Variants in GRID2 observed in about 807,000 individuals in gnomAD.
GRID2 encodes the protein glutamate ionotropic receptor delta type subunit 2, also known as glutamate receptor ionotropic, delta-2.
GRID2 carries 33 observed loss-of-function variants against 114.8 expected under a neutral mutation model. The observed-to-expected ratio is 0.29, with a 90% CI of 0.22 to 0.38. The LOEUF is 0.38. GRID2 is among the 10% of genes least tolerant of loss of function. GRID2 has a pLI of 1.00. For synonymous variants in GRID2, 505 were observed against 449.9 expected (o/e 1.12, Z -1.55); for missense variants, 1,184 against 1,257.7 (o/e 0.94, Z 0.89).
intron 1 of GRID2, among the ~76,000 whole-genome samples, chr4:92,545,665 A>C (rs1726213746): frequency 6.6e-6 from 1 of 152,212 alleles, no homozygotes; most frequent in Admixed American, 6.5e-5. Flanking sequence ...GTATGTTTGA[A>C]AATCTTTAGG....
chr4:93,595,349 T>C (rs1438852996), intron 13 of GRID2, among the ~76,000 whole-genome samples: 1 of 152,192 alleles, frequency 6.6e-6, no homozygotes, highest in Non-Finnish European at 1.5e-5. Flanking sequence ...ATGCATTACA[T>C]AATCTTTTCA....
chr4:93,013,752 C>T (rs1031591280), intron 2 of GRID2, among the ~76,000 whole-genome samples: 1 of 151,762 alleles, frequency 6.6e-6, no homozygotes, highest in Non-Finnish European at 1.5e-5. Context: ...CTTAATCATT[C>T]TTAATCAGAA....
At chr4:93,044,882 G>A (rs1725981362) in intron 2 of GRID2, among the ~76,000 whole-genome samples, 1 of 152,124 alleles carries the variant, frequency 6.6e-6, no homozygotes, top group Non-Finnish European at 1.5e-5. Context: ...CACATTGGAA[G>A]CTTTCTGGGC....
intron 10 of GRID2, among the ~76,000 whole-genome samples, chr4:93,433,873 G>A (rs1288918634): frequency 1.3e-5 from 2 of 152,090 alleles, no homozygotes; most frequent in Admixed American, 1.3e-4. Flanking sequence ...CCCTCGTCAT[G>A]TTCAGTTGTT....
At chr4:93,281,647 T>C (rs1483153057) in intron 8 of GRID2, among the ~76,000 whole-genome samples, 1 of 152,028 alleles carries the variant, frequency 6.6e-6, no homozygotes, top group African/African-American at 2.4e-5. Flanking sequence ...TCATCTTGCC[T>C]TTGAATAGTT....
chr4:92,583,779 T>C (rs1474402955), intron 1 of GRID2, among the ~76,000 whole-genome samples: 1 of 150,336 alleles, frequency 6.7e-6, no homozygotes, highest in African/African-American at 2.4e-5. Context: ...ATATACACAG[T>C]TGTAATATAT....
intron 1 of GRID2, among the ~76,000 whole-genome samples, chr4:92,442,426 C>G (rs1388110229): frequency 6.6e-6 from 1 of 152,036 alleles, no homozygotes; most frequent in Non-Finnish European, 1.5e-5. Flanking sequence ...GCAAGTGTAG[C>G]AAGCTCCTTG....
chr4:92,468,722 T>A (rs1721876433), intron 1 of GRID2, among the ~76,000 whole-genome samples: 1 of 152,094 alleles, frequency 6.6e-6, no homozygotes, highest in Non-Finnish European at 1.5e-5. Flanking sequence ...GCTCCATAAA[T>A]ATATTATGTC....
chr4:93,064,485 GT>G (rs1447671758), intron 2 of GRID2, among the ~76,000 whole-genome samples: 1 of 151,834 alleles, frequency 6.6e-6, no homozygotes, highest in Non-Finnish European at 1.5e-5. Flanking sequence ...GCTTCTACCA[GT>G]GTGGATTGTT....
intron 15 of GRID2, among the ~76,000 whole-genome samples, chr4:93,771,697 G>A (rs1176170926): frequency 6.6e-6 from 1 of 152,110 alleles, no homozygotes; most frequent in African/African-American, 2.4e-5. Flanking sequence ...GAAAAGGGAG[G>A]AAGCATGTAT....
At chr4:93,170,745 C>G (rs1738728057) in intron 4 of GRID2, among the ~76,000 whole-genome samples, 1 of 152,076 alleles carries the variant, frequency 6.6e-6, no homozygotes, top group South Asian at 2.1e-4. Context: ...GAATTACAGT[C>G]TTACATACCC....
chr4:93,359,269 AT>A (rs374216604), intron 8 of GRID2, among the ~76,000 whole-genome samples: 1,486 of 147,338 alleles, frequency 0.01, 20 homozygotes, highest in African/African-American at 0.035. Flanking sequence ...CAATTTTTTC[AT>A]TTTTTTTTTC....
chr4:92,323,522 G>A lies in GRID2; in HGVS notation c.88+18778G>A, dbSNP rs375924584. 3.7e-4 allele frequency among the ~76,000 whole-genome samples: 56 copies of A among 152,152 alleles called. No individual in the cohort carries two copies. In the East Asian group the frequency reaches 8.5e-3, roughly 23 times the overall value. ...TGAAGAAATGATTGTGTGGTAGCCTGCATTGGTCTCTTCCCCTCATTCTCT... is the reference window on the plus strand; with the variant it reads ...TGAAGAAATGATTGTGTGGTAGCCTACATTGGTCTCTTCCCCTCATTCTCT... On this transcript the variant is annotated intron_variant, in intron 1 of 15. Transcript: ENST00000282020.
chr4:93,163,345 T>G (rs987568048), intron 4 of GRID2, among the ~76,000 whole-genome samples: 22 of 61,922 alleles, frequency 3.6e-4, no homozygotes, highest in Admixed American at 1.7e-3. Flanking sequence ...CACTTCTGAT[T>G]TTTTTTTTGT....
chr4:93,139,756 A>ACACACACATT (rs1359077999), intron 4 of GRID2, among the ~76,000 whole-genome samples: 1 of 151,884 alleles, frequency 6.6e-6, no homozygotes, highest in African/African-American at 2.4e-5. Flanking sequence ...ACACACACAC[A>ACACACACATT]CACACACATT....
intron 2 of GRID2, among the ~76,000 whole-genome samples, chr4:93,003,428 C>T (rs1721202598): frequency 1.3e-5 from 2 of 151,942 alleles, no homozygotes; most frequent in African/African-American, 4.8e-5. Flanking sequence ...ATATCTTTTT[C>T]TGCCTACATC....
chr4:93,717,807 A>G (rs530667931), intron 14 of GRID2, among the ~76,000 whole-genome samples: 1 of 152,348 alleles, frequency 6.6e-6, no homozygotes, highest in Non-Finnish European at 1.5e-5. Flanking sequence ...TACTGTTAGA[A>G]TATAGGCAGT....
At chr4:93,438,072 A>C (rs2149388080) in intron 10 of GRID2, among the ~76,000 whole-genome samples, 1 of 152,266 alleles carries the variant, frequency 6.6e-6, no homozygotes. Flanking sequence ...CCAAGCACAC[A>C]GCAGAATGCC....
At chr4:92,935,083 G>C (rs1195631375) in intron 2 of GRID2, among the ~76,000 whole-genome samples, 14 of 146,414 alleles carry the variant, frequency 9.6e-5, no homozygotes, top group South Asian at 2.3e-4. Context: ...GAAGAAACTA[G>C]CATCAGAGTG....
Sources: gnomAD v4.1 joint callset for allele counts (sites outside exome capture counted in the v4.1 genomes callset) on GRCh38, gnomAD v4.1.1 for gene constraint, MANE v1.5 for transcripts, NCBI Gene and HGNC (gene_info 2026-07-23, HGNC 2026-07-21) for gene names.